Variants in NID2 observed in about 807,000 individuals in gnomAD.
NID2 encodes the protein nidogen 2.
In NID2, 83 loss-of-function variants were observed where a neutral mutation model predicts 145.4. The ratio of observed to expected loss-of-function variants is 0.57; its 90% CI spans 0.48 to 0.69. The LOEUF (loss-of-function observed/expected upper bound fraction) is 0.69, where lower values mean the gene tolerates loss of function less well. Among genes scored for constraint, NID2 ranks in the 30% least tolerant of loss-of-function variants. The pLI, the probability that NID2 is intolerant of heterozygous loss-of-function variation, is 0.00. For missense variants in NID2, 1,807 were observed against 1,765.7 expected (o/e 1.02, Z -0.42); for synonymous variants, 739 against 701.3 (o/e 1.05, Z -0.85).
intron 11 of NID2, among the ~76,000 whole-genome samples, chr14:52,028,260 G>C (rs991484110): frequency 2.3e-5 from 3 of 131,252 alleles, no homozygotes. Flanking sequence ...CCATAGCTTT[G>C]AGAGATTTTG....
chr14:52,019,728 AC>A (rs1566747959), intron 13 of NID2, among the ~76,000 whole-genome samples: 2 of 152,198 alleles, frequency 1.3e-5, no homozygotes, highest in Non-Finnish European at 2.9e-5. Context: ...AACCCTGGCT[AC>A]CGGCGCATAA....
rs2140346386 is a variant in NID2, at chr14:52,010,984, C to T, written c.3614G>A (p.Ser1205Asn). ...GGCGCTCTCTATCTTATCCAGGACACTGTCCGTCCAGTACATTGTTCTGCG... is the reference window on the plus strand; with the variant it reads ...GGCGCTCTCTATCTTATCCAGGACATTGTCCGTCCAGTACATTGTTCTGCG... ...HIRRTMYWTD[S>N]VLDKIESALL... Residue 1205 changes from serine (S) to asparagine (N), a missense_variant, in exon 18 of 22, where the codon AGT becomes AAT. Coordinates refer to ENST00000216286, the MANE Select transcript of NID2 (RefSeq NM_007361.4). 6.2e-7 allele frequency: 1 copy of T among 1,614,194 alleles called. No homozygotes were observed. Among genetic ancestry groups the T allele is most frequent in the Non-Finnish European group, 8.5e-7 (1 of 1,180,026 alleles).
At chr14:52,052,934 C>T (rs897279609) in intron 5 of NID2, among the ~76,000 whole-genome samples, 7 of 152,214 alleles carry the variant, frequency 4.6e-5, no homozygotes, top group East Asian at 1.9e-4. Flanking sequence ...CGCCTGCTTT[C>T]GCCATCTCCC....
chr14:52,019,134 G>A lies in NID2; in HGVS notation c.2955C>T (p.Asp985=), dbSNP rs776227850. 19 of 1,613,994 alleles carry A rather than the reference G, an allele frequency of 1.2e-5. No individual in the cohort carries two copies. Among genetic ancestry groups the A allele is most frequent in the Middle Eastern group, 1.6e-4 (1 of 6,084 alleles). The change falls in exon 14 of 22, where the codon GAC becomes GAT. Residue 985 remains aspartate, a synonymous_variant. Transcript: ENST00000216286. The stretch of plus-strand genomic sequence containing the variant: ...TACCAGGAACTTCATGACCATCAGG[G>A]TCCACGCACCAGCAGAAACCAGTGC... ...HGSTGFCWCV[D]PDGHEVPGTQ... is the part of the protein sequence containing the mutation.
Position 52,005,821 on chromosome 14 carries a change from T to G in NID2, c.4033A>C (p.Ser1345Arg), listed in dbSNP as rs1488541485. 1 of 1,613,064 alleles carries G rather than the reference T, an allele frequency of 6.2e-7. No individual in the cohort carries two copies. Among genetic ancestry groups the G allele is most frequent in the East Asian group, 2.2e-5 (1 of 44,886 alleles). The part of the protein sequence containing the change: ...RDGVVSVNKH[S>R]GQFTDEYLPE... Reference sequence around the variant, plus strand: ...AGATACTCATCAGTAAACTGGCCACTATGTTTATTTACTGATACAACACCA... The same window carrying G: ...AGATACTCATCAGTAAACTGGCCACGATGTTTATTTACTGATACAACACCA... Residue 1345 changes from serine (S) to arginine (R), a missense_variant, in exon 21 of 22, where the codon AGT (serine) becomes CGT (arginine). Transcript: ENST00000216286.
Position 52,015,143 on chromosome 14 carries a change from C to T in NID2, c.3161G>A (p.Cys1054Tyr). The T allele has an allele frequency of 6.2e-7, 1 of 1,614,128 alleles. No homozygotes were observed. The highest frequency in any genetic ancestry group is 1.1e-5 in the South Asian group (1 of 91,090). Residue 1054 changes from cysteine to tyrosine, a missense_variant, in exon 15 of 22, where the codon TGC becomes TAC. Cys to Tyr is a radical substitution (Grantham distance 194, BLOSUM62 -2). Coordinates refer to ENST00000216286, the MANE Select transcript of NID2 (RefSeq NM_007361.4). ...DDLGHFIPLQ[C>Y]HGKSDFCWCV... ...CCAGCAGAAGTCGCTCTTTCCGTGG[C>T]ACTGCAGGGGGATGAAGTGGCCCAG...
At chr14:52,020,220 T>C (rs1441293065) in intron 12 of NID2, 42 bp from the exon 13 acceptor site, 28 of 1,609,912 alleles carry the variant, frequency 1.7e-5, no homozygotes, top group East Asian at 2.2e-5. Context: ...AAGAACACTA[T>C]GACTTCACTC....
In NID2 at chr14:52,054,077, C is replaced by A; in HGVS notation, c.1012G>T (p.Gly338Cys). ...LPGEPEEALN[G>C]HSSIDVSFQS... ...AAGGAAACATCAATGCTGCTGTGGC[C>A]ATTCAATGCCTCCTCTGGTTCACCC... The change falls in exon 4 of 22, where the codon GGC (glycine) becomes TGC (cysteine). Residue 338 changes from glycine to cysteine, a missense_variant. Gly to Cys is a radical substitution (Grantham distance 159). Transcript: ENST00000216286. 1 of 1,614,212 alleles carries A rather than the reference C, an allele frequency of 6.2e-7. No homozygotes were observed. Among genetic ancestry groups the A allele is most frequent in the Non-Finnish European group, 8.5e-7 (1 of 1,180,030 alleles).
Position 52,020,154 on chromosome 14 carries a change from C to G in NID2, c.2699G>C (p.Arg900Thr), listed in dbSNP as rs144905200. 1.5e-4 allele frequency: 247 copies of G among 1,614,014 alleles called. 2 individuals carry two copies. In the East Asian group the frequency reaches 5.1e-3, roughly 33 times the overall value. ...CTDVDECSEN[R>T]CHPAATCYNT... is the part of the protein sequence containing the mutation. ...GTAGCAGGTAGCTGCAGGGTGACAT[C>G]TGTTTTCTGAGCATTCATCTACATC... is the stretch of plus-strand genomic sequence containing the variant. Residue 900 changes from arginine to threonine, a missense_variant, in exon 13 of 22, where the codon AGA (arginine) becomes ACA (threonine). Physicochemically the swap from Arg to Thr is moderately conservative, Grantham distance 71 (BLOSUM62 -1). Coordinates refer to ENST00000216286, the MANE Select transcript of NID2 (RefSeq NM_007361.4).
rs577017163 is a variant in NID2, at chr14:52,060,261, G to A, written c.630C>T (p.Arg210=). 1.5e-5 allele frequency: 25 copies of A among 1,613,812 alleles called. No individual in the cohort carries two copies. The South Asian group carries it at 2.3e-4, about 15-fold the overall frequency. The change falls in exon 3 of 22, where the codon CGC becomes CGT. Residue 210 remains arginine (R), a synonymous_variant. Transcript: ENST00000216286. The part of the protein sequence containing the change: ...PANGLQFLGT[R]PKESYNVQLQ... ...GCTGGACATTGTAAGACTCTTTGGGGCGGGTTCCAAGGAACTGCAGGCCGT... is the reference window on the plus strand; with the variant it reads ...GCTGGACATTGTAAGACTCTTTGGGACGGGTTCCAAGGAACTGCAGGCCGT...
intron 9 of NID2, among the ~76,000 whole-genome samples, chr14:52,030,598 GAAAGAA>G (rs1891813349): frequency 1.6e-5 from 1 of 64,424 alleles, no homozygotes; most frequent in Non-Finnish European, 3.2e-5. Flanking sequence ...AAGAAAGAAA[GAAAGAA>G]AGAGAAAGAA....
chr14:52,014,340 G>C lies in NID2; in HGVS notation c.3367C>G (p.Leu1123Val), dbSNP rs956146287. ...TQGQQIGYLP[L>V]NGTRLQKDAA... is the part of the protein sequence containing the mutation. ...TCCTTCTGAAGCCTGGTGCCATTGAGGGGTAAGTAGCCAATCTGCTGGCCC... is the reference window on the plus strand; with the variant it reads ...TCCTTCTGAAGCCTGGTGCCATTGACGGGTAAGTAGCCAATCTGCTGGCCC... The change falls in exon 16 of 22, where the codon CTC becomes GTC. Residue 1123 changes from leucine (L) to valine (V), a missense_variant. By Grantham distance (32) the Leu-to-Val change is conservative. Coordinates refer to ENST00000216286, the MANE Select transcript of NID2 (RefSeq NM_007361.4). 1 of 1,614,118 alleles carries C rather than the reference G, an allele frequency of 6.2e-7. No individual in the cohort carries two copies. Among genetic ancestry groups the C allele is most frequent in the African/African-American group, 1.3e-5 (1 of 74,934 alleles).
chr14:52,007,445 T>A (rs765258781), intron 19 of NID2: 4 of 234,840 alleles, frequency 1.7e-5, no homozygotes, highest in Non-Finnish European at 3.3e-5. Flanking sequence ...CCAAAGAATG[T>A]CCTTAGCATT....
intron 14 of NID2, among the ~76,000 whole-genome samples, chr14:52,017,448 T>C (rs1013083958): frequency 4.0e-5 from 6 of 151,606 alleles, no homozygotes; most frequent in Admixed American, 1.3e-4. Context: ...GCCGAGAGAG[T>C]GTGGGCAGGA....
chr14:52,011,145 G>T, intron 17 of NID2, 98 bp from the exon 18 acceptor site: 1 of 1,200,262 alleles, frequency 8.3e-7, no homozygotes, highest in Non-Finnish European at 1.2e-6. Context: ...GTCAGCAGGG[G>T]AAAGCAAAGC....
intron 14 of NID2, among the ~76,000 whole-genome samples, chr14:52,017,309 C>T (rs765166698): frequency 1.3e-5 from 2 of 152,192 alleles, no homozygotes; most frequent in Non-Finnish European, 2.9e-5. Flanking sequence ...GAATTTCTTT[C>T]TCTTGTGCTT....
Position 52,015,235 on chromosome 14 carries a change from C to T in NID2, c.3069G>A (p.Arg1023=), listed in dbSNP as rs904057. ...QRPPTICERW[R]ENLLEHYGGT... is the part of the protein sequence containing the mutation. ...CACCGTAGTGCTCCAGCAGGTTTTC[C>T]CTCCAGCGCTCACAGATGGTCGGGG... The change falls in exon 15 of 22, where the codon AGG becomes AGA. Residue 1023 remains arginine (R), a synonymous_variant. Coordinates refer to ENST00000216286, the MANE Select transcript of NID2 (RefSeq NM_007361.4). 17 of 1,613,368 alleles carry T rather than the reference C, an allele frequency of 1.1e-5. No individual in the cohort carries two copies. Among genetic ancestry groups the T allele is most frequent in the Non-Finnish European group, 1.4e-5 (17 of 1,179,478 alleles).
chr14:52,010,810 T>G lies in NID2; in HGVS notation c.3722+66A>C, dbSNP rs900046766. On this transcript the variant is annotated intron_variant, in intron 18 of 21. Transcript: ENST00000216286. ...TTGTTCTGACCTTCCCCACATTGTA[T>G]TTAAAACCCAAGGGCTTCACATCAG... is the stretch of plus-strand genomic sequence containing the variant. 1.1e-5 allele frequency: 17 copies of G among 1,521,466 alleles called. 1 individual carries two copies. The East Asian group carries it at 3.9e-4, about 35-fold the overall frequency. 94.2% of individuals were successfully genotyped at this position (1,521,466 alleles called of 1,614,324 possible).
intron 12 of NID2, among the ~76,000 whole-genome samples, chr14:52,023,520 GA>G (rs573641804): frequency 4.0e-4 from 61 of 151,934 alleles, no homozygotes; most frequent in African/African-American, 1.2e-3. Flanking sequence ...GGAAACCCAA[GA>G]AAGAATAATG....
Sources: allele counts gnomAD v4.1 joint callset (sites outside exome capture counted in the v4.1 genomes callset), GRCh38; gene constraint gnomAD v4.1.1; transcripts MANE v1.5; gene names NCBI Gene and HGNC (gene_info 2026-07-23, HGNC 2026-07-21).